Variants in NCAM2 observed in about 807,000 individuals in gnomAD.
NCAM2 encodes neural cell adhesion molecule 2.
Under a neutral mutation model 98.1 loss-of-function variants are expected in NCAM2, and 30 were observed. That is an observed-to-expected ratio of 0.31 (90% confidence interval 0.23 to 0.41). The LOEUF (loss-of-function observed/expected upper bound fraction) is 0.41, where lower values mean the gene tolerates loss of function less well. NCAM2 is among the 10% of genes least tolerant of loss of function. The pLI, the probability that NCAM2 is intolerant of heterozygous loss-of-function variation, is 1.00. For missense variants in NCAM2, 867 were observed against 1,005.8 expected (o/e 0.86, Z 1.87); for synonymous variants, 368 against 342.4 (o/e 1.07, Z -0.83).
chr21:21,217,982 C>A (rs951751877), intron 1 of NCAM2, among the ~76,000 whole-genome samples: 1 of 152,180 alleles, frequency 6.6e-6, no homozygotes, highest in South Asian at 2.1e-4. Context: ...CATAGAATCT[C>A]CAGAATGAAA....
intron 1 of NCAM2, among the ~76,000 whole-genome samples, chr21:21,253,711 GC>G (rs1254321322): frequency 6.6e-6 from 1 of 152,130 alleles, no homozygotes; most frequent in Non-Finnish European, 1.5e-5. Context: ...GGATGAACTA[GC>G]CTAAAATTAA....
chr21:21,445,071 T>C (rs1979901841), intron 12 of NCAM2, among the ~76,000 whole-genome samples: 2 of 152,174 alleles, frequency 1.3e-5, no homozygotes, highest in Admixed American at 1.3e-4. Context: ...TTTTAATTTT[T>C]GCCTTAATTT....
chr21:21,237,578 G>A (rs1265093331), intron 1 of NCAM2, among the ~76,000 whole-genome samples: 1 of 152,072 alleles, frequency 6.6e-6, no homozygotes, highest in South Asian at 2.1e-4. Context: ...TTATATCCCA[G>A]ATTAAGAATT....
At position 21,191,292 on chromosome 21, in the gene NCAM2, A is replaced by C. The variant is rs188918877; in HGVS notation, c.56-89286A>C. Among the ~76,000 whole-genome samples the C allele has an allele frequency of 6.6e-5, 10 of 152,288 alleles. No individual in the cohort carries two copies. The East Asian group carries it at 1.9e-3, about 29-fold the overall frequency. ...GACAAATTACACTCATTTGGCTTGT[A>C]ATGATGTTCTGATTATAGGCTATAA... On this transcript the variant is annotated intron_variant, in intron 1 of 17. Coordinates refer to ENST00000400546, the MANE Select transcript of NCAM2 (RefSeq NM_004540.5).
intron 3 of NCAM2, among the ~76,000 whole-genome samples, chr21:21,285,494 A>G (rs2073067839): frequency 6.6e-6 from 1 of 151,960 alleles, no homozygotes; most frequent in Non-Finnish European, 1.5e-5. Context: ...TCTATTTCAC[A>G]ATAGCAAATA....
At chr21:21,102,098 T>C (rs2066254021) in intron 1 of NCAM2, among the ~76,000 whole-genome samples, 1 of 151,954 alleles carries the variant, frequency 6.6e-6, no homozygotes. Context: ...CTGAGTGCCA[T>C]GATGAGAGAG....
chr21:21,534,573 A>G lies in NCAM2; in HGVS notation c.2319A>G (p.Arg773=). 6.2e-7 allele frequency: 1 copy of G among 1,605,478 alleles called. No individual in the cohort carries two copies. The highest frequency in any genetic ancestry group is 8.5e-7 in the Non-Finnish European group (1 of 1,173,302). The change falls in exon 17 of 18, where the codon AGA becomes AGG. Residue 773 remains arginine, a synonymous_variant. Transcript: ENST00000400546. ...DGSKEPIVEM[R]TEDERVTNHE... ...CAAAAGAACCAATAGTGGAGATGAG[A>G]ACAGAGGATGAAAGAGTTACTAATC...
intron 1 of NCAM2, among the ~76,000 whole-genome samples, chr21:21,096,256 A>G (rs1055248976): frequency 4.0e-5 from 6 of 151,578 alleles, no homozygotes; most frequent in Non-Finnish European, 8.9e-5. Flanking sequence ...TAATTTCCAA[A>G]GTGCTTTATT....
intron 12 of NCAM2, chr21:21,463,737 G>A (rs2146202275): frequency 6.6e-6 from 1 of 152,068 alleles, no homozygotes; most frequent in East Asian, 1.9e-4. Context: ...AGGTAGTGGG[G>A]CATGCAAAAC....
intron 5 of NCAM2, among the ~76,000 whole-genome samples, chr21:21,307,199 T>A (rs1454062489): frequency 6.6e-6 from 1 of 152,132 alleles, no homozygotes; most frequent in Non-Finnish European, 1.5e-5. Flanking sequence ...ATAGTTTTAT[T>A]TTTCTTCTGT....
Position 21,328,954 on chromosome 21 carries a change from A to AT in NCAM2, c.737+4472dup, listed in dbSNP as rs1178878212. Among the ~76,000 whole-genome samples, 1,135 of 138,438 alleles carry AT rather than the reference A, an allele frequency of 8.2e-3. 4 individuals carry two copies. Among genetic ancestry groups the AT allele is most frequent in the African/African-American group, 0.015 (558 of 37,344 alleles). 90.8% of individuals were successfully genotyped at this position (138,438 alleles called of 152,430 possible). ...TATGCCCTATATATGTATAGCATTA[A>AT]TTTTTTTTTTTTTTTTTTGAGATGG... On this transcript the variant is annotated intron_variant, in intron 6 of 17. Transcript: ENST00000400546.
chr21:21,432,897 C>G (rs1304986414), intron 12 of NCAM2, among the ~76,000 whole-genome samples: 1 of 152,136 alleles, frequency 6.6e-6, no homozygotes, highest in East Asian at 1.9e-4. Context: ...CAGCGTTGGC[C>G]TCTGTTGTTT....
At chr21:21,387,176 G>GCACACACA (rs1380226141) in intron 9 of NCAM2, among the ~76,000 whole-genome samples, 8 of 125,528 alleles carry the variant, frequency 6.4e-5, no homozygotes, top group Admixed American at 1.7e-4. Flanking sequence ...TACTTGGTGC[G>GCACACACA]CACACACACA....
intron 1 of NCAM2, among the ~76,000 whole-genome samples, chr21:21,261,355 A>G (rs1054852034): frequency 2.0e-5 from 3 of 152,212 alleles, no homozygotes; most frequent in Non-Finnish European, 4.4e-5. Context: ...CCTAATAGAT[A>G]TCTACAAAAC....
chr21:21,199,686 T>G (rs1276825948), intron 1 of NCAM2, among the ~76,000 whole-genome samples: 1 of 152,222 alleles, frequency 6.6e-6, no homozygotes, highest in Non-Finnish European at 1.5e-5. Flanking sequence ...AATATCTACG[T>G]AAGAAATACA....
At chr21:21,535,379 C>A (rs1476912402) in intron 17 of NCAM2, among the ~76,000 whole-genome samples, 1 of 151,840 alleles carries the variant, frequency 6.6e-6, no homozygotes, top group Non-Finnish European at 1.5e-5. Flanking sequence ...TTACTGTGCA[C>A]CAAAAAAACT....
At chr21:21,486,775 G>T (rs1185943547) in intron 15 of NCAM2, among the ~76,000 whole-genome samples, 1 of 152,078 alleles carries the variant, frequency 6.6e-6, no homozygotes, top group Non-Finnish European at 1.5e-5. Context: ...GTGATATAAA[G>T]AACATTCAAA....
intron 1 of NCAM2, among the ~76,000 whole-genome samples, chr21:21,164,407 G>C (rs915415353): frequency 5.9e-5 from 9 of 152,022 alleles, no homozygotes; most frequent in African/African-American, 2.2e-4. Flanking sequence ...TTAAATGTAA[G>C]GAATGACTGA....
intron 1 of NCAM2, among the ~76,000 whole-genome samples, chr21:21,271,535 T>C (rs1272658133): frequency 6.6e-6 from 1 of 152,244 alleles, no homozygotes; most frequent in African/African-American, 2.4e-5. Flanking sequence ...ATTAAAATTA[T>C]GTAATGCTTA....
Sources: gnomAD v4.1 joint callset for allele counts (sites outside exome capture counted in the v4.1 genomes callset) on GRCh38, gnomAD v4.1.1 for gene constraint, MANE v1.5 for transcripts, NCBI Gene and HGNC (gene_info 2026-07-23, HGNC 2026-07-21) for gene names.